The following C1orf21 variants were observed in gnomAD, a reference collection of about 807,000 sequenced individuals.
C1orf21 encodes chromosome 1 open reading frame 21.
C1orf21 carries 3 observed loss-of-function variants against 18.7 expected under a neutral mutation model. The ratio of observed to expected loss-of-function variants is 0.16; its 90% confidence interval spans 0.07 to 0.42. The LOEUF (loss-of-function observed/expected upper bound fraction) is 0.42. Among genes scored for constraint, C1orf21 ranks in the 10% least tolerant of loss-of-function variants. C1orf21 has a pLI of 0.99. For synonymous variants in C1orf21, 41 were observed against 46.4 expected, an observed-to-expected ratio of 0.88 and a Z score of 0.47; for missense variants, 104 against 143.6, an observed-to-expected ratio of 0.72 and a Z score of 1.41.
At chr1:184,391,635 A>G (rs1330047171) in intron 1 of C1orf21, among the ~76,000 whole-genome samples, 3 of 152,340 alleles carry the variant, frequency 2.0e-5, no homozygotes, top group Admixed American at 6.5e-5. Context: ...TGCCTCAGGT[A>G]GGATTTTTAA....
At chr1:184,617,050 C>G (rs763929200) in intron 5 of C1orf21, among the ~76,000 whole-genome samples, 3 of 152,142 alleles carry the variant, frequency 2.0e-5, no homozygotes, top group Non-Finnish European at 4.4e-5. Context: ...GGGGACTGAA[C>G]AAACACAGAG....
chr1:184,523,512 G>T (rs1557993565), intron 3 of C1orf21, among the ~76,000 whole-genome samples: 1 of 152,076 alleles, frequency 6.6e-6, no homozygotes, highest in East Asian at 1.9e-4. Context: ...GGAATCTAAG[G>T]TGACACAGCA....
intron 1 of C1orf21, among the ~76,000 whole-genome samples, chr1:184,467,151 G>C (rs775796789): frequency 6.6e-6 from 1 of 152,118 alleles, no homozygotes; most frequent in African/African-American, 2.4e-5. Context: ...GGGGCTGAGA[G>C]GGGTACTCCC....
intron 3 of C1orf21, among the ~76,000 whole-genome samples, chr1:184,539,242 A>G (rs926090498): frequency 1.4e-4 from 21 of 152,208 alleles, no homozygotes; most frequent in African/African-American, 4.3e-4. Flanking sequence ...TTCACCATCA[A>G]TTAAGATGGT....
At chr1:184,458,755 G>A (rs1297260880) in intron 1 of C1orf21, among the ~76,000 whole-genome samples, 1 of 152,028 alleles carries the variant, frequency 6.6e-6, no homozygotes, top group Non-Finnish European at 1.5e-5. Context: ...CTTTAAAAAA[G>A]CAAACTTAGA....
At chr1:184,606,691 T>C (rs1659651574) in intron 5 of C1orf21, among the ~76,000 whole-genome samples, 1 of 152,182 alleles carries the variant, frequency 6.6e-6, no homozygotes. Flanking sequence ...ACTGACTTCT[T>C]TGATCCATTT....
chr1:184,522,491 G>A (rs567237937), intron 3 of C1orf21, among the ~76,000 whole-genome samples: 32 of 152,134 alleles, frequency 2.1e-4, no homozygotes, highest in African/African-American at 5.5e-4. Flanking sequence ...CTCCTGGTGC[G>A]TCTTGTAGTG....
rs909598317 is a variant in C1orf21, at chr1:184,621,206, C to T, written c.*1650C>T. 1.1e-4 allele frequency: 17 copies of T among 152,688 alleles called. 2 individuals are homozygous for T. The highest frequency in any genetic ancestry group is 3.9e-4 in the African/African-American group (16 of 41,554). 9.5% of individuals were successfully genotyped at this position (152,688 alleles called of 1,614,324 possible). A position where few individuals can be genotyped will look rare whatever the true frequency, so the allele number is the denominator to read the frequency against. On this transcript the variant is annotated 3_prime_UTR_variant, in exon 6 of 6. Coordinates refer to ENST00000235307, the MANE Select transcript of C1orf21 (RefSeq NM_030806.4). ...TGAGATTCCCTATCTCCTTTTAGAC[C>T]TGGGACGGCAAAAGGGAAGGGAAGG...
intron 3 of C1orf21, among the ~76,000 whole-genome samples, chr1:184,516,611 A>G (rs887033995): frequency 6.6e-6 from 1 of 152,234 alleles, no homozygotes; most frequent in Non-Finnish European, 1.5e-5. Context: ...TCTTACATGG[A>G]TGGCAGCCGG....
intron 3 of C1orf21, among the ~76,000 whole-genome samples, chr1:184,583,118 CG>C (rs1387292893): frequency 6.6e-6 from 1 of 152,136 alleles, no homozygotes; most frequent in East Asian, 1.9e-4. Context: ...GGATTACAGG[CG>C]TGAGCCACTG....
chr1:184,470,605 G>A (rs1252416570), intron 1 of C1orf21, among the ~76,000 whole-genome samples: 1 of 152,296 alleles, frequency 6.6e-6, no homozygotes, highest in Middle Eastern at 3.4e-3. Context: ...AAGGCCAGGT[G>A]TGGCGGCTCA....
chr1:184,532,941 T>C (rs891816472), intron 3 of C1orf21, among the ~76,000 whole-genome samples: 1 of 152,240 alleles, frequency 6.6e-6, no homozygotes, highest in Non-Finnish European at 1.5e-5. Flanking sequence ...GCAACAGTGA[T>C]GACTTCTTCC....
intron 1 of C1orf21, among the ~76,000 whole-genome samples, chr1:184,442,146 A>T (rs888893947): frequency 5.3e-5 from 8 of 152,224 alleles, no homozygotes; most frequent in Non-Finnish European, 1.2e-4. Context: ...ATAATATCTC[A>T]TATGGTAATG....
intron 3 of C1orf21, among the ~76,000 whole-genome samples, chr1:184,574,480 A>G (rs1050371339): frequency 4.6e-5 from 7 of 152,222 alleles, no homozygotes; most frequent in Non-Finnish European, 1.0e-4. Context: ...TTACGTATTT[A>G]TGTTTGCCAA....
At chr1:184,531,670 A>G (rs1231209476) in intron 3 of C1orf21, among the ~76,000 whole-genome samples, 2 of 151,542 alleles carry the variant, frequency 1.3e-5, no homozygotes, top group African/African-American at 4.8e-5. Context: ...CCATTTTCTT[A>G]TACTTCCTCT....
intron 2 of C1orf21, among the ~76,000 whole-genome samples, chr1:184,479,000 G>A (rs1428376426): frequency 6.6e-6 from 1 of 152,134 alleles, no homozygotes. Flanking sequence ...TTAGTCTCCT[G>A]GTGAAGAATT....
At chr1:184,410,609 CATATATATTATATATATATATATAT>C (rs1656317871) in intron 1 of C1orf21, among the ~76,000 whole-genome samples, 1 of 52,512 alleles carries the variant, frequency 1.9e-5, no homozygotes, top group Non-Finnish European at 2.9e-5. Context: ...ATTAATTTGC[CATATATATTATATATATATATATAT>C]ATATATATAT....
chr1:184,602,415 G>A (rs1659596854), intron 5 of C1orf21, among the ~76,000 whole-genome samples: 2 of 152,138 alleles, frequency 1.3e-5, no homozygotes, highest in African/African-American at 4.8e-5. Context: ...TGAACCAGTG[G>A]GAGCCACCTA....
In C1orf21 at chr1:184,622,228, G is replaced by C. The variant is rs1274143002; in HGVS notation, c.*2672G>C. On this transcript the variant is annotated 3_prime_UTR_variant, in exon 6 of 6. Coordinates refer to ENST00000235307, the MANE Select transcript of C1orf21 (RefSeq NM_030806.4). ...TCAGGAAGCTGGAAGGAGGAAGGGA[G>C]GGTAAGTGGCCTGGTGAGTGGAGGT... The C allele has an allele frequency of 1.3e-5, 2 of 152,326 alleles. No individual in the cohort carries two copies. The highest frequency in any genetic ancestry group is 1.3e-4 in the Admixed American group (2 of 15,288). The allele number at this position is 152,326 out of a possible 1,614,324, so 9.4% of individuals were successfully genotyped here.
Sources: gnomAD v4.1 joint callset for allele counts (sites outside exome capture counted in the v4.1 genomes callset) on GRCh38, gnomAD v4.1.1 for gene constraint, MANE v1.5 for transcripts, NCBI Gene and HGNC (gene_info 2026-07-23, HGNC 2026-07-21) for gene names.